VEPH1: variants seen among roughly 807,000 people sequenced by gnomAD.
The protein encoded by VEPH1 is ventricular zone expressed PH domain containing 1.
VEPH1 carries 80 observed loss-of-function variants against 85.2 expected under a neutral mutation model. That is an observed-to-expected ratio of 0.94 (90% CI 0.78 to 1.13). The LOEUF (loss-of-function observed/expected upper bound fraction) is 1.13. VEPH1 is among the 50% of genes most tolerant of loss of function. The pLI, the probability that VEPH1 is intolerant of heterozygous loss-of-function variation, is 0.00. For missense variants in VEPH1, 955 were observed against 980.5 expected, an observed-to-expected ratio of 0.97 and a Z score of 0.35; for synonymous variants, 297 against 348.0, an observed-to-expected ratio of 0.85 and a Z score of 1.63.
At chr3:157,444,536 T>A (rs1034542161) in intron 4 of VEPH1, among the ~76,000 whole-genome samples, 1 of 152,196 alleles carries the variant, frequency 6.6e-6, no homozygotes, top group Non-Finnish European at 1.5e-5. Context: ...GGAGATCACA[T>A]AATTCAAGGC....
intron 4 of VEPH1, among the ~76,000 whole-genome samples, chr3:157,450,299 C>A (rs1001999652): frequency 6.6e-6 from 1 of 151,912 alleles, no homozygotes; most frequent in African/African-American, 2.4e-5. Flanking sequence ...TCAAGCGATC[C>A]TCTCACCTTG....
Position 157,363,564 on chromosome 3 carries a change from T to C in VEPH1, c.1535A>G (p.Asn512Ser), listed in dbSNP as rs145377938. 2 of 1,614,186 alleles carry C rather than the reference T, an allele frequency of 1.2e-6. No homozygotes were observed. The highest frequency in any genetic ancestry group is 1.3e-5 in the African/African-American group (1 of 75,064). ...ATTCTCTGAGTCTATATGTATAATA[T>C]TTGGGTATGAAACTGAAGACTCCCC... ...QLGESSVSYP[N>S]IIHIDSENLS... is the part of the protein sequence containing the mutation. The change falls in exon 9 of 14, where the codon AAT (asparagine) becomes AGT (serine). Residue 512 changes from asparagine (N) to serine (S), a missense_variant. Coordinates refer to ENST00000362010, the MANE Select transcript of VEPH1 (RefSeq NM_001167912.2).
chr3:157,422,616 C>A (rs1341886750), intron 5 of VEPH1, among the ~76,000 whole-genome samples: 3 of 152,146 alleles, frequency 2.0e-5, no homozygotes, highest in Admixed American at 6.5e-5. Flanking sequence ...TCCTTCAACT[C>A]CACTCCTCAC....
intron 9 of VEPH1, among the ~76,000 whole-genome samples, chr3:157,358,869 G>C (rs188929603): frequency 1.3e-5 from 2 of 152,250 alleles, no homozygotes; most frequent in East Asian, 3.9e-4. Context: ...AGTGGCGTGT[G>C]CCTGTAATCC....
chr3:157,314,330 C>CAAAAAAAAAAAAAAAAAAAAAAAAA (rs34703314), intron 10 of VEPH1, among the ~76,000 whole-genome samples: 1 of 43,174 alleles, frequency 2.3e-5, no homozygotes, highest in African/African-American at 5.0e-5. Context: ...GAGGATCCGT[C>CAAAAAAAAAAAAAAAAAAAAAAAAA]AAAAAAAAAA....
chr3:157,483,982 C>A (rs531935400), intron 2 of VEPH1, among the ~76,000 whole-genome samples: 32 of 152,142 alleles, frequency 2.1e-4, no homozygotes, highest in African/African-American at 7.5e-4. Context: ...CTCAAACTCA[C>A]AAAACACAAT....
At position 157,304,018 on chromosome 3, in the gene VEPH1, A is replaced by ATAT. The variant is rs532665282; in HGVS notation, c.2010+9602_2010+9603insATA. Reference sequence around the variant, plus strand: ...TGTAGACTTAAATTTCTCATCTTATATTTTTTATATATATATATATACACA... The same window carrying ATAT: ...TGTAGACTTAAATTTCTCATCTTATATATTTTTTTATATATATATATATACACA... On this transcript the variant is annotated intron_variant, in intron 11 of 13. Coordinates refer to ENST00000362010, the MANE Select transcript of VEPH1 (RefSeq NM_001167912.2). 1.7e-4 allele frequency among the ~76,000 whole-genome samples: 11 copies of ATAT among 64,924 alleles called. 1 individual carries two copies. The highest frequency in any genetic ancestry group is 1.2e-3 in the South Asian group (2 of 1,652). The allele number at this position is 64,924 out of a possible 152,430, so 42.6% of individuals were successfully genotyped here.
chr3:157,261,834 ACT>A lies in VEPH1; in HGVS notation c.2266-466_2266-465del, dbSNP rs555194017. On this transcript the variant is annotated intron_variant, in intron 13 of 13. Coordinates refer to ENST00000362010, the MANE Select transcript of VEPH1 (RefSeq NM_001167912.2). ...TTGCATAGACCAAACTGTTTTTGAA[ACT>A]CTCTGCAGCTTTGGAAGCATGCTTT... Among the ~76,000 whole-genome samples the A allele has an allele frequency of 6.6e-5, 10 of 152,010 alleles. No individual in the cohort carries two copies. In the South Asian group the frequency reaches 2.1e-3, roughly 32 times the overall value.
In VEPH1 at chr3:157,383,838, A is replaced by G. The variant is rs187580308; in HGVS notation, c.907-2462T>C. On this transcript the variant is annotated intron_variant, in intron 6 of 13. Coordinates refer to ENST00000362010, the MANE Select transcript of VEPH1 (RefSeq NM_001167912.2). ...CCCTGTTTCATATTTTGGGTCATAC[A>G]ATTGCCAGGTTGCAGAACAATACTT... Among the ~76,000 whole-genome samples the G allele has an allele frequency of 2.6e-5, 4 of 152,348 alleles. No individual in the cohort carries two copies. The East Asian group carries it at 7.7e-4, about 29-fold the overall frequency.
At chr3:157,489,247 G>A (rs1738987020) in intron 2 of VEPH1, 3 of 454,018 alleles carry the variant, frequency 6.6e-6, no homozygotes, top group Middle Eastern at 3.2e-4. Context: ...CAACAATCCA[G>A]CCTCCACTTC....
At chr3:157,292,032 T>C (rs1396188878) in intron 11 of VEPH1, among the ~76,000 whole-genome samples, 2 of 152,214 alleles carry the variant, frequency 1.3e-5, no homozygotes, top group Non-Finnish European at 2.9e-5. Flanking sequence ...GTGTTAATAA[T>C]TGAACAATGA....
intron 6 of VEPH1, among the ~76,000 whole-genome samples, chr3:157,409,089 C>T (rs1416484028): frequency 5.3e-5 from 8 of 151,702 alleles, no homozygotes; most frequent in Admixed American, 5.2e-4. Flanking sequence ...AGTTGAAATC[C>T]ATCAAGCATT....
At chr3:157,446,110 G>T (rs1003938889) in intron 4 of VEPH1, among the ~76,000 whole-genome samples, 2 of 152,036 alleles carry the variant, frequency 1.3e-5, no homozygotes, top group South Asian at 2.1e-4. Context: ...CCATATTACA[G>T]CATAGTAAAG....
rs200016080 is a variant in VEPH1 at position 157,272,375 on chromosome 3, T to TTTCTTTCTTTC, written c.2129-6714_2129-6713insGAAAGAAAGAA. 1.7e-3 allele frequency among the ~76,000 whole-genome samples: 158 copies of TTTCTTTCTTTC among 95,038 alleles called. 3 individuals are homozygous for TTTCTTTCTTTC. The highest frequency in any genetic ancestry group is 4.6e-3 in the African/African-American group (118 of 25,728). The allele number at this position is 95,038 out of a possible 152,430, so 62.3% of individuals were successfully genotyped here. Reference sequence around the variant, plus strand: ...CTCTCTCTTTCTTTCTTTCTCTTTCTTTTCTTTCTTTCTTTCTTTCTTTCT... The same window carrying TTTCTTTCTTTC: ...CTCTCTCTTTCTTTCTTTCTCTTTCTTTCTTTCTTTCTTTCTTTCTTTCTTTCTTTCTTTCT... On this transcript the variant is annotated intron_variant, in intron 12 of 13. Transcript: ENST00000362010.
chr3:157,359,106 C>T (rs1725765231), intron 9 of VEPH1, among the ~76,000 whole-genome samples: 1 of 152,224 alleles, frequency 6.6e-6, no homozygotes, highest in Non-Finnish European at 1.5e-5. Context: ...CTTGCTGATA[C>T]ACTCTACAGA....
At chr3:157,428,609 T>C in intron 4 of VEPH1, 121 bp from the exon 5 acceptor site, 1 of 868,250 alleles carries the variant, frequency 1.2e-6, no homozygotes, top group Non-Finnish European at 1.7e-6. Context: ...TGATGGCCAA[T>C]TCTTTTGCTA....
intron 5 of VEPH1, among the ~76,000 whole-genome samples, chr3:157,422,843 A>G (rs1732448267): frequency 6.6e-6 from 1 of 152,062 alleles, no homozygotes; most frequent in Non-Finnish European, 1.5e-5. Flanking sequence ...TACTCACATG[A>G]TCCTTTCCTA....
intron 3 of VEPH1, among the ~76,000 whole-genome samples, chr3:157,467,125 ATGTGTGTG>A (rs57109409): frequency 1.4e-5 from 2 of 145,346 alleles, no homozygotes; most frequent in East Asian, 4.0e-4. Context: ...GTGTGTGTGT[ATGTGTGTG>A]TGTGTGTGTG....
chr3:157,456,480 T>C (rs1735393290), intron 4 of VEPH1, among the ~76,000 whole-genome samples: 1 of 152,218 alleles, frequency 6.6e-6, no homozygotes, highest in African/African-American at 2.4e-5. Flanking sequence ...GCCTAGGTTA[T>C]CTTCCAGCGT....
Sources: allele counts gnomAD v4.1 joint callset (sites outside exome capture counted in the v4.1 genomes callset), GRCh38; gene constraint gnomAD v4.1.1; transcripts MANE v1.5; gene names NCBI Gene and HGNC (gene_info 2026-07-23, HGNC 2026-07-21).